The following LPP variants were observed in gnomAD, a reference collection of about 807,000 sequenced individuals.
LPP encodes the protein lipoma-preferred partner.
In LPP, 38 loss-of-function variants were observed where a neutral mutation model predicts 60.4. The ratio of observed to expected loss-of-function variants is 0.63; its 90% confidence interval spans 0.49 to 0.83. LPP has a LOEUF of 0.83. Ranked by LOEUF, LPP falls within the 40% of genes least tolerant of loss-of-function variation. The pLI is 0.00. For synonymous variants in LPP, 328 were observed against 290.8 expected (o/e 1.13, Z -1.30); for missense variants, 902 against 783.6 (o/e 1.15, Z -1.80).
chr3:188,558,021 G>C (rs1442469703), intron 6 of LPP, among the ~76,000 whole-genome samples: 1 of 152,038 alleles, frequency 6.6e-6, no homozygotes, highest in African/African-American at 2.4e-5. Context: ...GAAAGCATGC[G>C]TGTTTGTACA....
intron 1 of LPP, among the ~76,000 whole-genome samples, chr3:188,188,718 T>C (rs1310288792): frequency 1.3e-5 from 2 of 152,120 alleles, no homozygotes; most frequent in African/African-American, 2.4e-5. Context: ...TGGGAAGAAA[T>C]ACATAGTGAT....
intron 8 of LPP, among the ~76,000 whole-genome samples, chr3:188,727,336 G>A (rs1455643287): frequency 6.6e-6 from 1 of 152,154 alleles, no homozygotes; most frequent in Non-Finnish European, 1.5e-5. Context: ...GTATTGAAAC[G>A]TTATGATACA....
At position 188,846,070 on chromosome 3, in the gene LPP, C is replaced by G. The variant is rs1030799138; in HGVS notation, c.1411-20130C>G. Among the ~76,000 whole-genome samples, 16 of 152,186 alleles carry G rather than the reference C, an allele frequency of 1.1e-4. 1 individual carries two copies. The highest frequency in any genetic ancestry group is 1.0e-3 in the Admixed American group (16 of 15,276). ...TTAGTCAATGAACACTTATTGCACG[C>G]CTGCTGTTTGTGCAGACACTGTGCT... On this transcript the variant is annotated intron_variant, in intron 9 of 11. Transcript: ENST00000617246.
At chr3:188,553,518 T>C (rs996877743) in intron 6 of LPP, among the ~76,000 whole-genome samples, 2 of 152,100 alleles carry the variant, frequency 1.3e-5, no homozygotes, top group Non-Finnish European at 2.9e-5. Context: ...TATTCAACAC[T>C]AGCTTTTCTT....
intron 4 of LPP, among the ~76,000 whole-genome samples, chr3:188,474,377 C>CA (rs1802614300): frequency 2.6e-5 from 4 of 151,700 alleles, no homozygotes; most frequent in Admixed American, 2.0e-4. Flanking sequence ...TTATCATTGA[C>CA]ATGTCATTGA....
At chr3:188,501,308 A>T (rs149535171) in intron 5 of LPP, among the ~76,000 whole-genome samples, 19 of 152,000 alleles carry the variant, frequency 1.3e-4, no homozygotes, top group African/African-American at 4.3e-4. Context: ...CCTTTGATCC[A>T]TTGTTTGTTA....
At position 188,774,585 on chromosome 3, in the gene LPP, A is replaced by T. The variant is rs569925728; in HGVS notation, c.1410+14303A>T. 3.9e-4 allele frequency among the ~76,000 whole-genome samples: 60 copies of T among 152,288 alleles called. 1 individual carries two copies. The South Asian group carries it at 0.012, about 32-fold the overall frequency. On this transcript the variant is annotated intron_variant, in intron 9 of 11. Coordinates refer to ENST00000617246, the MANE Select transcript of LPP (RefSeq NM_001375462.1). ...AAAATGAATGTATTATACAGTCTGG[A>T]TCACCATAACAAAAATACAAGGACT... is the stretch of plus-strand genomic sequence containing the variant.
chr3:188,310,697 T>C (rs1252925831), intron 2 of LPP, among the ~76,000 whole-genome samples: 3 of 152,170 alleles, frequency 2.0e-5, no homozygotes, highest in Non-Finnish European at 4.4e-5. Context: ...GCATTTAGAA[T>C]TTGAGTTTAT....
At chr3:188,161,390 A>G (rs1364007375) in intron 1 of LPP, among the ~76,000 whole-genome samples, 4 of 152,200 alleles carry the variant, frequency 2.6e-5, no homozygotes, top group Non-Finnish European at 5.9e-5. Context: ...GAATAATATC[A>G]GGTAGCTTAA....
chr3:188,414,444 C>T (rs1360308659), intron 4 of LPP, among the ~76,000 whole-genome samples: 1 of 152,004 alleles, frequency 6.6e-6, no homozygotes, highest in Non-Finnish European at 1.5e-5. Flanking sequence ...CACTTCATGT[C>T]CCAGATGTTT....
At chr3:188,835,805 G>A (rs1163354497) in intron 9 of LPP, among the ~76,000 whole-genome samples, 1 of 152,166 alleles carries the variant, frequency 6.6e-6, no homozygotes, top group Non-Finnish European at 1.5e-5. Context: ...ACCTAACAGG[G>A]AAGCTGTCCA....
chr3:188,209,137 T>C (rs1055498287), intron 1 of LPP, among the ~76,000 whole-genome samples: 1 of 151,922 alleles, frequency 6.6e-6, no homozygotes, highest in East Asian at 1.9e-4. Flanking sequence ...GGAAAGGGAG[T>C]CTACAGAATT....
At chr3:188,750,975 G>C (rs558724055) in intron 8 of LPP, among the ~76,000 whole-genome samples, 2 of 152,222 alleles carry the variant, frequency 1.3e-5, no homozygotes, top group South Asian at 4.1e-4. Flanking sequence ...TTAAGTTTTA[G>C]TATTTTCATC....
chr3:188,609,227 A>C lies in LPP; in HGVS notation c.496A>C (p.Ile166Leu). ...AGTCACAGGACACAAGAGAATGGTC[A>C]TCCCGAACCAACCCCCTCTAACAGC... Reference protein sequence around the residue: ...TPVTGHKRMVIPNQPPLTATK... With the variant: ...TPVTGHKRMVLPNQPPLTATK... The change falls in exon 7 of 12, where the codon ATC becomes CTC. Residue 166 changes from isoleucine to leucine, a missense_variant. Ile to Leu is a conservative substitution (Grantham distance 5). Coordinates refer to ENST00000617246, the MANE Select transcript of LPP (RefSeq NM_001375462.1). The surrounding 1 kb of genome is among the most constrained non-coding windows in gnomAD (Gnocchi z 6.9). The C allele has an allele frequency of 6.2e-7, 1 of 1,613,954 alleles. No individual in the cohort carries two copies. Among genetic ancestry groups the C allele is most frequent in the Non-Finnish European group, 8.5e-7 (1 of 1,179,978 alleles).
At chr3:188,426,562 T>C (rs1414206753) in intron 4 of LPP, among the ~76,000 whole-genome samples, 1 of 152,140 alleles carries the variant, frequency 6.6e-6, no homozygotes, top group African/African-American at 2.4e-5. Flanking sequence ...TGTTAAAGTC[T>C]CCAACTATTA....
At chr3:188,493,274 A>G (rs1295309271) in intron 5 of LPP, among the ~76,000 whole-genome samples, 1 of 152,174 alleles carries the variant, frequency 6.6e-6, no homozygotes, top group Non-Finnish European at 1.5e-5. Context: ...TTTAGTATTC[A>G]GTGCAGCAGA....
intron 6 of LPP, among the ~76,000 whole-genome samples, chr3:188,583,999 C>T (rs1836849792): frequency 1.3e-5 from 2 of 152,140 alleles, no homozygotes; most frequent in African/African-American, 4.8e-5. Flanking sequence ...TCTATCCCTG[C>T]CCCCTGCTCC....
Position 188,610,495 on chromosome 3 carries a change from T to C in LPP, c.1113+651T>C, listed in dbSNP as rs1049710068. 1.3e-4 allele frequency among the ~76,000 whole-genome samples: 20 copies of C among 152,252 alleles called. No homozygotes were observed. Among genetic ancestry groups the C allele is most frequent in the African/African-American group, 4.6e-4 (19 of 41,468 alleles). ...GAAGGGGCTGCAGTATAATGCAGCT[T>C]GTTTGTGACCCCTTGTTTATTCATT... On this transcript the variant is annotated intron_variant, in intron 7 of 11. Transcript: ENST00000617246. This position sits in a 1 kb window ranked among gnomAD's most constrained non-coding sequence, Gnocchi z 4.4.
intron 9 of LPP, among the ~76,000 whole-genome samples, chr3:188,769,580 G>GA (rs1361919426): frequency 6.6e-5 from 10 of 152,152 alleles, no homozygotes; most frequent in Admixed American, 6.5e-4. Context: ...AGTCCAGCAG[G>GA]AACCTTAGAA....
Sources: gnomAD v4.1 joint callset for allele counts (sites outside exome capture counted in the v4.1 genomes callset) on GRCh38, gnomAD v4.1.1 for gene constraint, Gnocchi (gnomAD v3.1) non-coding constraint, MANE v1.5 for transcripts, NCBI Gene and HGNC (gene_info 2026-07-23, HGNC 2026-07-21) for gene names.